Variants in BCL2 observed in about 807,000 individuals in gnomAD.
The protein encoded by BCL2 is apoptosis regulator Bcl-2.
BCL2 carries 1 observed loss-of-function variant against 14.2 expected under a neutral mutation model. The ratio of observed to expected loss-of-function variants is 0.07; its 90% CI spans 0.02 to 0.33. The LOEUF is 0.33. Ranked by LOEUF, BCL2 falls within the 10% of genes least tolerant of loss-of-function variation. The pLI is 0.99. For missense variants in BCL2, 247 were observed against 305.9 expected (o/e 0.81, Z 1.44); for synonymous variants, 151 against 137.2 (o/e 1.10, Z -0.70).
intron 2 of BCL2, among the ~76,000 whole-genome samples, chr18:63,133,096 G>A (rs556884838): frequency 6.6e-6 from 1 of 152,320 alleles, no homozygotes; most frequent in African/African-American, 2.4e-5. Flanking sequence ...CAGAGGATCT[G>A]AGTTCCACCC....
chr18:63,313,638 T>C (rs1462129), intron 2 of BCL2, among the ~76,000 whole-genome samples: 68,176 of 152,016 alleles, frequency 0.45, 16,866 homozygotes, highest in Admixed American at 0.57. Flanking sequence ...GCTAAACTAC[T>C]GCTAAGACAC....
At chr18:63,238,982 C>T (rs936995777) in intron 2 of BCL2, among the ~76,000 whole-genome samples, 1 of 152,140 alleles carries the variant, frequency 6.6e-6, no homozygotes, top group African/African-American at 2.4e-5. Flanking sequence ...TGGCTAACTG[C>T]GGGAGCCCTG....
chr18:63,191,710 G>C (rs2144652294), intron 2 of BCL2, among the ~76,000 whole-genome samples: 1 of 152,338 alleles, frequency 6.6e-6, no homozygotes, highest in South Asian at 2.1e-4. Flanking sequence ...GATGTGTTAA[G>C]TGGAGATTCT....
In BCL2 at chr18:63,283,885, T is replaced by G. The variant is rs191060071; in HGVS notation, c.585+34197A>C. The stretch of plus-strand genomic sequence containing the variant: ...CTCCCCGAGGATTCTTCCTGCTTCC[T>G]AGTTTTAGGTAGATCAAGAGCACTT... On this transcript the variant is annotated intron_variant, in intron 2 of 2. Transcript: ENST00000333681. Among the ~76,000 whole-genome samples, 524 of 152,340 alleles carry G rather than the reference T, an allele frequency of 3.4e-3. 2 individuals are homozygous for G. Among genetic ancestry groups the G allele is most frequent in the Non-Finnish European group, 2.3e-3 (155 of 68,024 alleles).
intron 2 of BCL2, among the ~76,000 whole-genome samples, chr18:63,226,041 G>C (rs190502352): frequency 3.0e-4 from 46 of 152,308 alleles, no homozygotes; most frequent in Non-Finnish European, 4.9e-4. Flanking sequence ...TACTGCCAAT[G>C]AAAGTGGCTT....
At chr18:63,147,026 G>C (rs1914530268) in intron 2 of BCL2, among the ~76,000 whole-genome samples, 1 of 152,218 alleles carries the variant, frequency 6.6e-6, no homozygotes, top group Non-Finnish European at 1.5e-5. Flanking sequence ...CTTTGGAGGG[G>C]AGGAGTCCCA....
At chr18:63,185,020 T>C (rs1915560537) in intron 2 of BCL2, among the ~76,000 whole-genome samples, 2 of 152,116 alleles carry the variant, frequency 1.3e-5, no homozygotes, top group Non-Finnish European at 2.9e-5. Context: ...ACCTGCTAAA[T>C]CCTCTGGTCC....
chr18:63,196,220 T>G (rs1017332615), intron 2 of BCL2, among the ~76,000 whole-genome samples: 1 of 152,226 alleles, frequency 6.6e-6, no homozygotes, highest in African/African-American at 2.4e-5. Context: ...AAAGAATCTT[T>G]CAGGAAAAAT....
intron 2 of BCL2, among the ~76,000 whole-genome samples, chr18:63,164,898 T>C (rs886375448): frequency 6.6e-6 from 1 of 152,142 alleles, no homozygotes; most frequent in African/African-American, 2.4e-5. Flanking sequence ...AGAATATTTT[T>C]CACAATAGCA....
At chr18:63,307,917 G>A (rs1435694710) in intron 2 of BCL2, among the ~76,000 whole-genome samples, 1 of 152,310 alleles carries the variant, frequency 6.6e-6, no homozygotes, top group East Asian at 1.9e-4. Flanking sequence ...TTTTTAAAAA[G>A]CCCCTGGAGA....
chr18:63,125,676 GA>G lies in BCL2; in HGVS notation c.*2948del, dbSNP rs1458287471. On this transcript the variant is annotated 3_prime_UTR_variant, in exon 3 of 3. Transcript: ENST00000333681. ...CAACTGCAAAATAATTAGATATAAT[GA>G]AAAAAAAGAAGAGGAGAAAAAAATG... The G allele has an allele frequency of 2.4e-5, 5 of 209,638 alleles. No individual in the cohort carries two copies. Among genetic ancestry groups the G allele is most frequent in the East Asian group, 7.1e-5 (1 of 14,062 alleles). 13.0% of individuals were successfully genotyped at this position (209,638 alleles called of 1,614,324 possible).
intron 2 of BCL2, among the ~76,000 whole-genome samples, chr18:63,247,428 T>G (rs553943435): frequency 6.6e-6 from 1 of 151,564 alleles, no homozygotes; most frequent in Non-Finnish European, 1.5e-5. Flanking sequence ...GAACTCCTGA[T>G]CTCAGGTGAT....
intron 2 of BCL2, chr18:63,316,295 C>T (rs1241668492): frequency 6.6e-6 from 1 of 152,090 alleles, no homozygotes; most frequent in Non-Finnish European, 1.5e-5. Flanking sequence ...ATACCAGTTA[C>T]CACCTTGGAT....
chr18:63,274,073 C>G (rs1379835553), intron 2 of BCL2, among the ~76,000 whole-genome samples: 1 of 152,090 alleles, frequency 6.6e-6, no homozygotes, highest in Non-Finnish European at 1.5e-5. Flanking sequence ...ATTCTTGAAG[C>G]TCTAAATCTT....
intron 2 of BCL2, among the ~76,000 whole-genome samples, chr18:63,194,507 G>GT (rs1456530862): frequency 6.6e-6 from 1 of 151,790 alleles, no homozygotes; most frequent in Non-Finnish European, 1.5e-5. Context: ...GCTAATTTTT[G>GT]TATTTTTAGT....
At chr18:63,305,087 G>T (rs1913083373) in intron 2 of BCL2, among the ~76,000 whole-genome samples, 1 of 152,146 alleles carries the variant, frequency 6.6e-6, no homozygotes. Context: ...ATCCTCACAG[G>T]GTCTTGAGCT....
chr18:63,274,277 C>CTTTTTT lies in BCL2; in HGVS notation c.585+43799_585+43804dup, dbSNP rs74169950. 1.4e-3 allele frequency among the ~76,000 whole-genome samples: 122 copies of CTTTTTT among 86,738 alleles called. 5 individuals carry two copies. The highest frequency in any genetic ancestry group is 4.2e-3 in the East Asian group (12 of 2,824). The allele number at this position is 86,738 out of a possible 152,430, so 56.9% of individuals were successfully genotyped here. On this transcript the variant is annotated intron_variant, in intron 2 of 2. Coordinates refer to ENST00000333681, the MANE Select transcript of BCL2 (RefSeq NM_000633.3). Reference sequence around the variant, plus strand: ...GGAGTCAAGCTTTTATAAAGATACTCTTTTTTTTTTTTTTTTTTTTTTTGA... The same window carrying CTTTTTT: ...GGAGTCAAGCTTTTATAAAGATACTCTTTTTTTTTTTTTTTTTTTTTTTTTTTTTGA...
chr18:63,157,356 G>A (rs1432975668), intron 2 of BCL2, among the ~76,000 whole-genome samples: 2 of 152,220 alleles, frequency 1.3e-5, no homozygotes, highest in Non-Finnish European at 1.5e-5. Flanking sequence ...TGCCGCCCAG[G>A]AGGGTGGTCC....
chr18:63,199,429 C>T (rs567200304), intron 2 of BCL2, among the ~76,000 whole-genome samples: 2 of 151,332 alleles, frequency 1.3e-5, no homozygotes, highest in South Asian at 4.2e-4. Flanking sequence ...ACAAACACTA[C>T]ACAACATAGG....
Sources: allele counts gnomAD v4.1 joint callset (sites outside exome capture counted in the v4.1 genomes callset), GRCh38; gene constraint gnomAD v4.1.1; transcripts MANE v1.5; gene names NCBI Gene and HGNC (gene_info 2026-07-23, HGNC 2026-07-21).